Variants in TAB2 observed in about 807,000 individuals in gnomAD.
The protein encoded by TAB2 is TGF-beta activated kinase 1 (MAP3K7) binding protein 2.
In TAB2, 3 loss-of-function variants were observed where a neutral mutation model predicts 65.0. That is an observed-to-expected ratio of 0.05 (90% CI 0.02 to 0.12). The LOEUF (loss-of-function observed/expected upper bound fraction) is 0.12. Among genes scored for constraint, TAB2 ranks in the 10% least tolerant of loss-of-function variants. The pLI is 1.00. For synonymous variants in TAB2, 298 were observed against 285.1 expected (o/e 1.05, Z -0.46); for missense variants, 623 against 840.3 (o/e 0.74, Z 3.20).
chr6:149,292,788 G>A (rs990180823), intron 1 of TAB2, among the ~76,000 whole-genome samples: 3 of 152,178 alleles, frequency 2.0e-5, no homozygotes, highest in East Asian at 3.9e-4. Flanking sequence ...GAGCTTTCTC[G>A]GGAGTTTTTT....
At chr6:149,260,338 C>T (rs979963293) in intron 1 of TAB2, among the ~76,000 whole-genome samples, 1 of 152,176 alleles carries the variant, frequency 6.6e-6, no homozygotes, top group Non-Finnish European at 1.5e-5. Flanking sequence ...CCTGACCCAC[C>T]GCGTGCTCCA....
At position 149,410,932 on chromosome 6, in the gene TAB2, A is replaced by G. The variant is rs1782835573; in HGVS notation, c.*1213A>G. ...AAATGCTTTACTGTTGGGGCAGTCC[A>G]TTTCTAATCCTGACTTGGTGACAGT... On this transcript the variant is annotated 3_prime_UTR_variant, in exon 7 of 7. Coordinates refer to ENST00000637181, the MANE Select transcript of TAB2 (RefSeq NM_001292034.3). 1 of 152,516 alleles carries G rather than the reference A, an allele frequency of 6.6e-6. No homozygotes were observed. Among genetic ancestry groups the G allele is most frequent in the Non-Finnish European group, 1.5e-5 (1 of 68,024 alleles). The allele number at this position is 152,516 out of a possible 1,614,324, so 9.4% of individuals were successfully genotyped here.
chr6:149,244,361 G>C (rs576040721), intron 1 of TAB2: 3 of 152,342 alleles, frequency 2.0e-5, no homozygotes, highest in Non-Finnish European at 4.4e-5. Flanking sequence ...TGGAGGGTGG[G>C]TGGATAGGGA....
At chr6:149,275,139 T>TTTTTTTA (rs56122402) in intron 1 of TAB2, among the ~76,000 whole-genome samples, 13 of 113,480 alleles carry the variant, frequency 1.1e-4, no homozygotes, top group African/African-American at 3.6e-4. Context: ...TTTTTTTTTT[T>TTTTTTTA]TTTTGAGTTG....
chr6:149,230,038 T>C (rs535174819), intron 1 of TAB2: 2 of 152,300 alleles, frequency 1.3e-5, no homozygotes, highest in South Asian at 4.1e-4. Flanking sequence ...CCAAGTTCAG[T>C]TGAATGTCAA....
intron 1 of TAB2, among the ~76,000 whole-genome samples, chr6:149,341,968 T>A (rs763162596): frequency 1.3e-5 from 2 of 152,048 alleles, no homozygotes; most frequent in Non-Finnish European, 2.9e-5. Flanking sequence ...CTACTATTCA[T>A]AATATCCTAT....
intron 1 of TAB2, among the ~76,000 whole-genome samples, chr6:149,367,692 G>A (rs1035956760): frequency 1.3e-5 from 2 of 152,090 alleles, no homozygotes; most frequent in Non-Finnish European, 2.9e-5. Flanking sequence ...TTATGATGGT[G>A]GCTTGGACAA....
At chr6:149,260,302 C>T (rs1445046017) in intron 1 of TAB2, among the ~76,000 whole-genome samples, 6 of 152,246 alleles carry the variant, frequency 3.9e-5, no homozygotes, top group Middle Eastern at 3.4e-3. Context: ...GGGTTTGGAA[C>T]GGGAGGAGAG....
intron 1 of TAB2, among the ~76,000 whole-genome samples, chr6:149,271,228 T>A (rs536005844): frequency 1.4e-3 from 211 of 152,078 alleles, no homozygotes; most frequent in East Asian, 2.5e-3. Flanking sequence ...ATATATTTTT[T>A]AAAAAAGAAT....
Position 149,290,715 on chromosome 6 carries a change from C to G in TAB2, c.-121+71939C>G, listed in dbSNP as rs183642307. ...AAAAAAATAGCCAGGTGGGGTAGGG[C>G]ACACCTGTGGTCCTAGCTACTCAGG... On this transcript the variant is annotated intron_variant, in intron 1 of 1. Coordinates refer to the TAB2 transcript ENST00000606202. Among the ~76,000 whole-genome samples, 118 of 152,244 alleles carry G rather than the reference C, an allele frequency of 7.8e-4. 1 individual carries two copies. Among genetic ancestry groups the G allele is most frequent in the African/African-American group, 2.8e-3 (116 of 41,554 alleles).
chr6:149,299,573 A>C (rs1162920252), intron 1 of TAB2, among the ~76,000 whole-genome samples: 1 of 152,226 alleles, frequency 6.6e-6, no homozygotes, highest in Non-Finnish European at 1.5e-5. Context: ...CTCTGTGTCA[A>C]AAAATAATAA....
At chr6:149,265,845 C>T (rs1438788042) in intron 1 of TAB2, among the ~76,000 whole-genome samples, 1 of 152,112 alleles carries the variant, frequency 6.6e-6, no homozygotes, top group African/African-American at 2.4e-5. Context: ...AGTCACCCAC[C>T]GCAGGTCCCA....
intron 3 of TAB2, among the ~76,000 whole-genome samples, chr6:149,392,927 A>G (rs1782038767): frequency 6.6e-6 from 1 of 151,888 alleles, no homozygotes; most frequent in African/African-American, 2.4e-5. Flanking sequence ...ACTCAAGGTT[A>G]AACTTGCAGA....
At chr6:149,392,153 C>CG (rs1007797378) in intron 3 of TAB2, among the ~76,000 whole-genome samples, 16 of 26,830 alleles carry the variant, frequency 6.0e-4, no homozygotes, top group Non-Finnish European at 1.4e-3. Context: ...GGCGGGGGGG[C>CG]GGGGGTGGAC....
chr6:149,247,058 T>G (rs9498267), intron 1 of TAB2: 103,698 of 152,542 alleles, frequency 0.68, 35,746 homozygotes, highest in East Asian at 0.91. Context: ...CCTTGCAGTT[T>G]CAACAGCTCC....
chr6:149,337,767 C>T (rs1779978279), intron 1 of TAB2, among the ~76,000 whole-genome samples: 1 of 152,258 alleles, frequency 6.6e-6, no homozygotes, highest in African/African-American at 2.4e-5. Flanking sequence ...CTTTCTTAAT[C>T]TCTTATACTA....
At chr6:149,354,548 TTG>T (rs998710591) in intron 1 of TAB2, among the ~76,000 whole-genome samples, 5 of 152,176 alleles carry the variant, frequency 3.3e-5, no homozygotes, top group Admixed American at 1.3e-4. Flanking sequence ...TAAAATTTAT[TTG>T]TGTGTTTTTT....
intron 1 of TAB2, among the ~76,000 whole-genome samples, chr6:149,289,583 T>C (rs185689188): frequency 4.4e-3 from 664 of 152,222 alleles, no homozygotes; most frequent in Non-Finnish European, 6.5e-3. Context: ...TTTCCAACTC[T>C]CTCTTCACCC....
chr6:149,347,391 A>G (rs492956), intron 1 of TAB2, among the ~76,000 whole-genome samples: 18,548 of 152,252 alleles, frequency 0.12, 1,739 homozygotes, highest in East Asian at 0.51. Flanking sequence ...GTTTATTGTT[A>G]TTCTTTAGAA....
Sources: allele counts gnomAD v4.1 joint callset (sites outside exome capture counted in the v4.1 genomes callset), GRCh38; gene constraint gnomAD v4.1.1; transcripts MANE v1.5; gene names NCBI Gene and HGNC (gene_info 2026-07-23, HGNC 2026-07-21).